Variants in SMIM14 observed in about 807,000 individuals in gnomAD.
SMIM14 encodes the protein chromosome 4 open reading frame 34.
In SMIM14, 5 loss-of-function variants were observed where a neutral mutation model predicts 12.6. The observed-to-expected ratio is 0.40, with a 90% CI of 0.21 to 0.83. The LOEUF (loss-of-function observed/expected upper bound fraction) is 0.83, where lower values mean the gene tolerates loss of function less well. Among genes scored for constraint, SMIM14 ranks in the 40% least tolerant of loss-of-function variants. The pLI, the probability that SMIM14 is intolerant of heterozygous loss-of-function variation, is 0.37. For synonymous variants in SMIM14, 30 were observed against 40.1 expected (o/e 0.75, Z 0.95); for missense variants, 86 against 119.1 (o/e 0.72, Z 1.29).
chr4:39,569,442 C>A (rs925534641), intron 3 of SMIM14, among the ~76,000 whole-genome samples: 31 of 152,186 alleles, frequency 2.0e-4, no homozygotes, highest in African/African-American at 7.5e-4. Flanking sequence ...AATAAACAGG[C>A]AGCTCTGCTT....
intron 2 of SMIM14, chr4:39,592,552 A>C (rs1220089834): frequency 6.6e-6 from 1 of 152,172 alleles, no homozygotes; most frequent in African/African-American, 2.4e-5. Flanking sequence ...AACAAATCCT[A>C]CCAATTTATA....
intron 1 of SMIM14, among the ~76,000 whole-genome samples, chr4:39,624,306 TTC>T (rs930244660): frequency 2.6e-4 from 39 of 152,284 alleles, no homozygotes; most frequent in African/African-American, 8.9e-4. Context: ...CAGGAAAATT[TTC>T]TGTTTTTAAA....
intron 2 of SMIM14, among the ~76,000 whole-genome samples, chr4:39,597,084 C>CTTTTTTTTTTTTTTTT (rs1436675514): frequency 7.5e-6 from 1 of 133,258 alleles, no homozygotes; most frequent in Non-Finnish European, 1.6e-5. Flanking sequence ...CCCAGGTTTC[C>CTTTTTTTTTTTTTTTT]CTTTTTTTTT....
In SMIM14 at chr4:39,574,237, C is replaced by CTTTT. The variant is rs11338888; in HGVS notation, c.76-1778_76-1775dup. Among the ~76,000 whole-genome samples, 340 of 126,668 alleles carry CTTTT rather than the reference C, an allele frequency of 2.7e-3. 2 individuals are homozygous for CTTTT. Among genetic ancestry groups the CTTTT allele is most frequent in the Non-Finnish European group, 3.1e-3 (188 of 60,762 alleles). The allele number at this position is 126,668 out of a possible 152,430, so 83.1% of individuals were successfully genotyped here. A position where few individuals can be genotyped will look rare whatever the true frequency, so the allele number is the denominator to read the frequency against. On this transcript the variant is annotated intron_variant, in intron 2 of 4. Transcript: ENST00000295958. ...ATTTAAAGTCTGGTTCTGCAACTTT[C>CTTTT]TTTTTTTTTTTTTTTTTTTTCTTTT...
chr4:39,548,947 C>G lies in SMIM14; in HGVS notation c.*3179G>C, dbSNP rs1318862381. 6.6e-6 allele frequency: 1 copy of G among 152,182 alleles called. No homozygotes were observed. Among genetic ancestry groups the G allele is most frequent in the African/African-American group, 2.4e-5 (1 of 41,444 alleles). 9.4% of individuals were successfully genotyped at this position (152,182 alleles called of 1,614,324 possible). A position where few individuals can be genotyped will look rare whatever the true frequency, so the allele number is the denominator to read the frequency against. On this transcript the variant is annotated 3_prime_UTR_variant, in exon 5 of 5. Coordinates refer to ENST00000295958, the MANE Select transcript of SMIM14 (RefSeq NM_174921.3). Reference sequence around the variant, plus strand: ...CGGTGGCTCACATCTGTAATCCTAGCACTTTGGGAGGCCATAGTGGGTGGA... The same window carrying G: ...CGGTGGCTCACATCTGTAATCCTAGGACTTTGGGAGGCCATAGTGGGTGGA...
At chr4:39,561,978 T>C (rs1003644367) in intron 3 of SMIM14, among the ~76,000 whole-genome samples, 1 of 151,804 alleles carries the variant, frequency 6.6e-6, no homozygotes, top group Admixed American at 6.6e-5. Context: ...TTTTTTAGAA[T>C]CTCACAATAG....
rs1259808979 is a variant in SMIM14 at position 39,546,918 on chromosome 4, T to A, written c.*5208A>T. 1 of 152,220 alleles carries A rather than the reference T, an allele frequency of 6.6e-6. No homozygotes were observed. The highest frequency in any genetic ancestry group is 1.5e-5 in the Non-Finnish European group (1 of 68,038). 9.4% of individuals were successfully genotyped at this position (152,220 alleles called of 1,614,324 possible). On this transcript the variant is annotated 3_prime_UTR_variant, in exon 5 of 5. Transcript: ENST00000295958. Reference sequence around the variant, plus strand: ...GAACAGAAGCAAATTTTCACTTTTGTGTGTTTTTGGTACAGTGACATGTCT... The same window carrying A: ...GAACAGAAGCAAATTTTCACTTTTGAGTGTTTTTGGTACAGTGACATGTCT...
chr4:39,610,655 A>G (rs2110063920), intron 1 of SMIM14, among the ~76,000 whole-genome samples: 1 of 151,248 alleles, frequency 6.6e-6, no homozygotes, highest in South Asian at 2.1e-4. Flanking sequence ...TGATCACACC[A>G]CTGCACTCTA....
intron 2 of SMIM14, among the ~76,000 whole-genome samples, chr4:39,600,676 G>C (rs539233833): frequency 6.6e-6 from 1 of 152,112 alleles, no homozygotes; most frequent in South Asian, 2.1e-4. Flanking sequence ...GGCAACAAGA[G>C]CGAAACTCCA....
chr4:39,607,156 A>G (rs1436031214), intron 1 of SMIM14, among the ~76,000 whole-genome samples: 1 of 152,144 alleles, frequency 6.6e-6, no homozygotes, highest in African/African-American at 2.4e-5. Flanking sequence ...AAACAAAAAC[A>G]TACATAGGCC....
intron 1 of SMIM14, among the ~76,000 whole-genome samples, chr4:39,636,153 T>G (rs1277444636): frequency 9.3e-6 from 1 of 107,614 alleles, no homozygotes. Context: ...GCCTGTACAA[T>G]AGAGCAAGAC....
chr4:39,556,843 G>A (rs954596941), intron 3 of SMIM14, among the ~76,000 whole-genome samples: 3 of 151,982 alleles, frequency 2.0e-5, no homozygotes, highest in South Asian at 2.1e-4. Context: ...GCTGGAGTGC[G>A]GTGGCACAAC....
chr4:39,638,595 G>A (rs1197331172), intron 1 of SMIM14, 144 bp downstream of exon 1: 1 of 979,050 alleles, frequency 1.0e-6, no homozygotes, highest in Admixed American at 6.2e-5. Flanking sequence ...TCGCCAGCCC[G>A]GCCGAGGAAA....
intron 1 of SMIM14, among the ~76,000 whole-genome samples, chr4:39,608,670 A>T (rs1057294017): frequency 1.3e-5 from 2 of 152,256 alleles, no homozygotes; most frequent in Non-Finnish European, 2.9e-5. Context: ...GTTACTGCTT[A>T]AAGAGTTTCT....
intron 1 of SMIM14, among the ~76,000 whole-genome samples, chr4:39,609,404 T>G (rs1714941473): frequency 6.6e-6 from 1 of 152,082 alleles, no homozygotes; most frequent in Non-Finnish European, 1.5e-5. Context: ...TCAGGGAAGA[T>G]TTTACTGAAG....
At position 39,590,022 on chromosome 4, in the gene SMIM14, C is replaced by CAA. The variant is rs34159677; in HGVS notation, c.75+15047_75+15048dup. ...TGGGCAACACAGCAAGACTCTGTTT[C>CAA]AAAAAAAAAAAAAAAAAAAAAAAGA... On this transcript the variant is annotated intron_variant, in intron 2 of 4. Transcript: ENST00000295958. Among the ~76,000 whole-genome samples the CAA allele has an allele frequency of 7.4e-3, 526 of 71,264 alleles. 7 individuals carry two copies. The highest frequency in any genetic ancestry group is 0.032 in the East Asian group (67 of 2,116). 46.8% of individuals were successfully genotyped at this position (71,264 alleles called of 152,430 possible). A position where few individuals can be genotyped will look rare whatever the true frequency, so the allele number is the denominator to read the frequency against.
At position 39,631,671 on chromosome 4, in the gene SMIM14, A is replaced by T. The variant is rs866076417; in HGVS notation, c.-36+7068T>A. On this transcript the variant is annotated intron_variant, in intron 1 of 4. Transcript: ENST00000295958. ...GAGACTCCGTCTCAAAAAAAAAAAAAAATAAATATGTTAAAAGATAAAAGA... is the reference window on the plus strand; with the variant it reads ...GAGACTCCGTCTCAAAAAAAAAAAATAATAAATATGTTAAAAGATAAAAGA... Among the ~76,000 whole-genome samples the T allele has an allele frequency of 2.0e-3, 62 of 30,674 alleles. No homozygotes were observed. The South Asian group carries it at 0.04, about 20-fold the overall frequency. The allele number at this position is 30,674 out of a possible 152,430, so 20.1% of individuals were successfully genotyped here.
At position 39,560,375 on chromosome 4, in the gene SMIM14, T is replaced by C. The variant is rs756717108; in HGVS notation, c.125-3805A>G. Among the ~76,000 whole-genome samples, 3 of 150,292 alleles carry C rather than the reference T, an allele frequency of 2.0e-5. No individual in the cohort carries two copies. The East Asian group carries it at 6.1e-4, about 31-fold the overall frequency. On this transcript the variant is annotated intron_variant, in intron 3 of 4. Coordinates refer to ENST00000295958, the MANE Select transcript of SMIM14 (RefSeq NM_174921.3). ...TTGTAGTAGAGCTGGGATTTCACCATGTTGGCCAGGCTGTTCTCAAACTCC... is the reference window on the plus strand; with the variant it reads ...TTGTAGTAGAGCTGGGATTTCACCACGTTGGCCAGGCTGTTCTCAAACTCC...
At chr4:39,636,555 G>A (rs550321285) in intron 1 of SMIM14, among the ~76,000 whole-genome samples, 2 of 152,238 alleles carry the variant, frequency 1.3e-5, no homozygotes, top group South Asian at 4.1e-4. Context: ...AAACTCCAGT[G>A]GGCTGGACCT....
Sources: gnomAD v4.1 joint callset for allele counts (sites outside exome capture counted in the v4.1 genomes callset) on GRCh38, gnomAD v4.1.1 for gene constraint, MANE v1.5 for transcripts, NCBI Gene and HGNC (gene_info 2026-07-23, HGNC 2026-07-21) for gene names.